Variants in ADGRL3 observed in about 807,000 individuals in gnomAD.
ADGRL3 encodes the protein adhesion G protein-coupled receptor L3.
Under a neutral mutation model 153.5 loss-of-function variants are expected in ADGRL3, and 62 were observed. The ratio of observed to expected loss-of-function variants is 0.40; its 90% CI spans 0.33 to 0.50. ADGRL3 has a LOEUF of 0.50. Ranked by LOEUF, ADGRL3 falls within the 20% of genes least tolerant of loss-of-function variation. The pLI is 0.47. For synonymous variants in ADGRL3, 710 were observed against 672.5 expected (o/e 1.06, Z -0.86); for missense variants, 1,641 against 1,859.4 (o/e 0.88, Z 2.16).
chr4:61,969,901 G>A (rs2099020709), intron 17 of ADGRL3, among the ~76,000 whole-genome samples: 1 of 152,118 alleles, frequency 6.6e-6, no homozygotes, highest in Non-Finnish European at 1.5e-5. Flanking sequence ...TGGTCCTGTG[G>A]ATTTTGTACA....
intron 2 of ADGRL3, among the ~76,000 whole-genome samples, chr4:61,402,031 A>G (rs967437549): frequency 5.9e-5 from 9 of 152,146 alleles, no homozygotes; most frequent in African/African-American, 2.2e-4. Flanking sequence ...ACAAATGAAC[A>G]TAGCTGTATT....
chr4:61,541,610 C>T (rs963394923), intron 4 of ADGRL3, among the ~76,000 whole-genome samples: 3 of 151,958 alleles, frequency 2.0e-5, no homozygotes, highest in Non-Finnish European at 4.4e-5. Context: ...CTAAGAAAGC[C>T]AGAAGGTAGA....
At chr4:61,243,011 A>G (rs540306531) in intron 1 of ADGRL3, among the ~76,000 whole-genome samples, 4 of 152,212 alleles carry the variant, frequency 2.6e-5, no homozygotes, top group African/African-American at 9.6e-5. Flanking sequence ...TAAGCAGTCT[A>G]CAAACAGCCA....
At chr4:62,005,464 C>T (rs1445497053) in intron 21 of ADGRL3, among the ~76,000 whole-genome samples, 1 of 151,996 alleles carries the variant, frequency 6.6e-6, no homozygotes, top group East Asian at 1.9e-4. Flanking sequence ...TTCACTTTTC[C>T]CCAAAATAAT....
At chr4:61,452,554 G>A (rs957010555) in intron 2 of ADGRL3, among the ~76,000 whole-genome samples, 16 of 152,184 alleles carry the variant, frequency 1.1e-4, no homozygotes, top group Non-Finnish European at 8.8e-5. Flanking sequence ...TGGTGGTAAT[G>A]TGTGAGAAAC....
chr4:61,526,559 C>G (rs1379665276), intron 4 of ADGRL3, among the ~76,000 whole-genome samples: 1 of 151,950 alleles, frequency 6.6e-6, no homozygotes, highest in Non-Finnish European at 1.5e-5. Context: ...GGGAAGAACA[C>G]TTGAGGCCAG....
intron 9 of ADGRL3, among the ~76,000 whole-genome samples, chr4:61,884,420 A>G (rs2098525402): frequency 6.6e-6 from 1 of 152,096 alleles, no homozygotes; most frequent in Admixed American, 6.5e-5. Context: ...ATTATTTCAC[A>G]CTATTGTTTC....
intron 2 of ADGRL3, among the ~76,000 whole-genome samples, chr4:61,496,737 C>T (rs890873485): frequency 4.6e-5 from 7 of 152,082 alleles, no homozygotes; most frequent in African/African-American, 9.6e-5. Flanking sequence ...GTCAGGAGAT[C>T]GAGACCATCC....
intron 21 of ADGRL3, among the ~76,000 whole-genome samples, chr4:62,005,841 G>C (rs2099155478): frequency 1.3e-5 from 2 of 150,104 alleles, no homozygotes; most frequent in Admixed American, 1.3e-4. Context: ...ACTTTGATTT[G>C]ATTTTATCCT....
chr4:61,221,050 A>C (rs1745237696), intron 1 of ADGRL3, among the ~76,000 whole-genome samples: 1 of 152,208 alleles, frequency 6.6e-6, no homozygotes, highest in Admixed American at 6.5e-5. Context: ...TTATTTTAAA[A>C]GTGACAATTT....
rs143984363 is a variant in ADGRL3, at chr4:61,669,694, G to A, written c.474-7132G>A. Among the ~76,000 whole-genome samples the A allele has an allele frequency of 1.4e-3, 211 of 152,184 alleles. 1 individual carries two copies. Among genetic ancestry groups the A allele is most frequent in the Non-Finnish European group, 2.5e-3 (170 of 67,998 alleles). On this transcript the variant is annotated intron_variant, in intron 5 of 26. Transcript: ENST00000683033. ...CTAAGTGGATATGTGTTTTTGCATAGCACATGCTTTTGTATAATATTATTT... is the reference window on the plus strand; with the variant it reads ...CTAAGTGGATATGTGTTTTTGCATAACACATGCTTTTGTATAATATTATTT...
chr4:62,064,909 G>A (rs1742181276), intron 25 of ADGRL3, among the ~76,000 whole-genome samples: 1 of 151,998 alleles, frequency 6.6e-6, no homozygotes, highest in Non-Finnish European at 1.5e-5. Context: ...CAAGTCGTTT[G>A]TCAATACAAT....
intron 8 of ADGRL3, among the ~76,000 whole-genome samples, chr4:61,738,606 G>A (rs1236587299): frequency 1.3e-5 from 2 of 152,070 alleles, no homozygotes; most frequent in African/African-American, 4.8e-5. Flanking sequence ...ACTCCTCAAA[G>A]TATTCTAAAA....
rs151184630 is a variant in ADGRL3, at chr4:61,552,123, T to C, written c.259+34605T>C. ...GGTATAGAATTTGTGAGTGCCTAGGTAACAGACCCAATAAACACAGAAGCA... is the reference window on the plus strand; with the variant it reads ...GGTATAGAATTTGTGAGTGCCTAGGCAACAGACCCAATAAACACAGAAGCA... On this transcript the variant is annotated intron_variant, in intron 4 of 26. Coordinates refer to ENST00000683033, the MANE Select transcript of ADGRL3 (RefSeq NM_001387552.1). 9.2e-3 allele frequency among the ~76,000 whole-genome samples: 1,398 copies of C among 152,006 alleles called. 30 individuals carry two copies. The highest frequency in any genetic ancestry group is 0.031 in the African/African-American group (1,296 of 41,438).
chr4:61,778,957 C>G (rs1460463692), intron 8 of ADGRL3, among the ~76,000 whole-genome samples: 1 of 151,688 alleles, frequency 6.6e-6, no homozygotes, highest in Non-Finnish European at 1.5e-5. Context: ...ACTTGGGAGG[C>G]CGAGTTAGGA....
chr4:61,898,172 C>G (rs1481419993), intron 11 of ADGRL3, among the ~76,000 whole-genome samples: 1 of 152,102 alleles, frequency 6.6e-6, no homozygotes, highest in Admixed American at 6.5e-5. Flanking sequence ...TGTAAGTCCA[C>G]CACGTAGGGC....
At chr4:61,949,177 T>A (rs1246462429) in intron 17 of ADGRL3, among the ~76,000 whole-genome samples, 1 of 152,184 alleles carries the variant, frequency 6.6e-6, no homozygotes, top group African/African-American at 2.4e-5. Flanking sequence ...TGTTTGAGAA[T>A]GCAAATATCT....
intron 8 of ADGRL3, among the ~76,000 whole-genome samples, chr4:61,811,173 A>G (rs977053197): frequency 3.0e-4 from 46 of 152,150 alleles, no homozygotes; most frequent in African/African-American, 8.9e-4. Context: ...AAAAATTTGT[A>G]CATAGAGGCT....
intron 9 of ADGRL3, among the ~76,000 whole-genome samples, chr4:61,816,931 C>G (rs1469689022): frequency 6.6e-6 from 1 of 152,200 alleles, no homozygotes; most frequent in Non-Finnish European, 1.5e-5. Context: ...GCTCCCTGAC[C>G]TCTCCCTGCT....
Sources: allele counts gnomAD v4.1 joint callset (sites outside exome capture counted in the v4.1 genomes callset), GRCh38; gene constraint gnomAD v4.1.1; transcripts MANE v1.5; gene names NCBI Gene and HGNC (gene_info 2026-07-23, HGNC 2026-07-21).